SCAF11: variants seen among roughly 807,000 people sequenced by gnomAD.
The protein encoded by SCAF11 is protein SCAF11.
In SCAF11, 47 loss-of-function variants were observed where a neutral mutation model predicts 140.5. That is an observed-to-expected ratio of 0.33 (90% CI 0.26 to 0.43). SCAF11 has a LOEUF of 0.43. Among genes scored for constraint, SCAF11 ranks in the 20% least tolerant of loss-of-function variants. The pLI is 1.00. For missense variants in SCAF11, 1,645 were observed against 1,705.1 expected (o/e 0.96, Z 0.62); for synonymous variants, 557 against 579.4 (o/e 0.96, Z 0.55).
At chr12:45,933,461 A>C (rs1347182251) in intron 8 of SCAF11, among the ~76,000 whole-genome samples, 2 of 152,152 alleles carry the variant, frequency 1.3e-5, no homozygotes, top group African/African-American at 4.8e-5. Flanking sequence ...GTTAAAAATA[A>C]CCCTTGAATT....
chr12:45,955,561 A>G (rs1036051761), intron 3 of SCAF11: 6 of 152,852 alleles, frequency 3.9e-5, no homozygotes, highest in African/African-American at 1.4e-4. Flanking sequence ...AAAATTTACA[A>G]TTAAATTTCC....
Position 45,925,049 on chromosome 12 carries a change from G to A in SCAF11, c.3585C>T (p.Asn1195=). The A allele has an allele frequency of 6.2e-7, 1 of 1,612,892 alleles. No individual in the cohort carries two copies. The highest frequency in any genetic ancestry group is 8.5e-7 in the Non-Finnish European group (1 of 1,178,934). The change falls in exon 12 of 15, where the codon AAC becomes AAT. Residue 1195 remains asparagine (N), a synonymous_variant. Coordinates refer to ENST00000369367, the MANE Select transcript of SCAF11 (RefSeq NM_004719.3). The part of the protein sequence containing the change: ...GQDSSLKDQT[N]QQVDGSQLPI... ...GTAGCTGAGAACCATCAACTTGCTG[G>A]TTTGTTTGGTCTTTTAGGCTAGAAT...
chr12:45,985,667 T>C (rs1946445263), intron 1 of SCAF11, among the ~76,000 whole-genome samples: 1 of 152,236 alleles, frequency 6.6e-6, no homozygotes, highest in Non-Finnish European at 1.5e-5. Flanking sequence ...GTATGTAAAA[T>C]GTCTACAACA....
chr12:45,928,037 G>A lies in SCAF11; in HGVS notation c.1664C>T (p.Thr555Ile). The A allele has an allele frequency of 1.2e-6, 2 of 1,613,484 alleles. No individual in the cohort carries two copies. The highest frequency in any genetic ancestry group is 1.7e-6 in the Non-Finnish European group (2 of 1,179,996). ...AGGTTGGTACACTTTGCTTTCAGAT[G>A]TTAAACATGTAGGAAAATCATTTGG... ...HLPNDFPTCL[T>I]SESKVYQPVS... The change falls in exon 11 of 15, where the codon ACA becomes ATA. Residue 555 changes from threonine (T) to isoleucine (I), a missense_variant. Physicochemically the swap from Thr to Ile is moderately conservative, Grantham distance 89. This residue lies in a region of SCAF11 where 1,582 missense variants were observed against 1,609.2 expected (regional missense o/e 0.98). Coordinates refer to ENST00000369367, the MANE Select transcript of SCAF11 (RefSeq NM_004719.3).
Position 45,926,330 on chromosome 12 carries a change from T to C in SCAF11, c.3371A>G (p.Lys1124Arg). Residue 1124 changes from lysine to arginine, a missense_variant, in exon 11 of 15, where the codon AAG becomes AGG. Lys to Arg is a conservative substitution (Grantham distance 26). This residue lies in a region of SCAF11 where 1,582 missense variants were observed against 1,609.2 expected (regional missense o/e 0.98). Transcript: ENST00000369367. ...TGAGAACTCCTGTTCACTTTTTCGC[T>C]TATAGGATTGCTGTTCCACAAACTT... Reference protein sequence around the residue: ...SFKFVEQQSYKRKSEQEFSFD... With the variant: ...SFKFVEQQSYRRKSEQEFSFD... The C allele has an allele frequency of 6.2e-7, 1 of 1,614,188 alleles. No homozygotes were observed. The highest frequency in any genetic ancestry group is 8.5e-7 in the Non-Finnish European group (1 of 1,180,016).
At position 45,926,247 on chromosome 12, in the gene SCAF11, T is replaced by G. The variant is rs1476945083; in HGVS notation, c.3454A>C (p.Lys1152Gln). The change falls in exon 11 of 15, where the codon AAG (lysine) becomes CAG (glutamine). Residue 1152 changes from lysine (K) to glutamine (Q), a missense_variant. Around this residue, in one of 2 missense-constraint regions of SCAF11, gnomAD observed 1,582 missense variants for 1,609.2 expected, o/e 0.98. Transcript: ENST00000369367. ...TTTTGTACATCTGCTGGCAAAGTCTTTCTCACGGCCCAGCTGGATGCAGAT... is the reference window on the plus strand; with the variant it reads ...TTTTGTACATCTGCTGGCAAAGTCTGTCTCACGGCCCAGCTGGATGCAGAT... Reference protein sequence around the residue: ...WTSASSWAVRKTLPADVQNYY... With the variant: ...WTSASSWAVRQTLPADVQNYY... 6.2e-7 allele frequency: 1 copy of G among 1,614,188 alleles called. No individual in the cohort carries two copies.
At position 45,927,498 on chromosome 12, in the gene SCAF11, G is replaced by C. The variant is rs1310633671; in HGVS notation, c.2203C>G (p.Pro735Ala). The change falls in exon 11 of 15, where the codon CCA (proline) becomes GCA (alanine). Residue 735 changes from proline (P) to alanine (A), a missense_variant. By Grantham distance (27) the Pro-to-Ala change is conservative. This residue lies in a region of SCAF11 where 1,582 missense variants were observed against 1,609.2 expected (regional missense o/e 0.98). Transcript: ENST00000369367. ...CSDQNESEVE[P>A]SVNADLKQMN... is the part of the protein sequence containing the mutation. ...TGTTTAAGATCAGCATTTACAGATG[G>C]TTCAACTTCAGATTCATTTTGGTCA... The C allele has an allele frequency of 6.2e-7, 1 of 1,613,524 alleles. No homozygotes were observed. The highest frequency in any genetic ancestry group is 1.3e-5 in the African/African-American group (1 of 74,840).
At chr12:45,924,689 A>G (rs1454097951) in intron 12 of SCAF11, 39 bp downstream of exon 12, 1 of 1,468,392 alleles carries the variant, frequency 6.8e-7, no homozygotes, top group Non-Finnish European at 9.3e-7. Flanking sequence ...AATGTTTACA[A>G]TGGCTATATT....
chr12:45,984,281 T>C (rs1293461181), intron 1 of SCAF11, among the ~76,000 whole-genome samples: 1 of 152,224 alleles, frequency 6.6e-6, no homozygotes, highest in East Asian at 1.9e-4. Flanking sequence ...TGTCTTCCAA[T>C]TTGGGTTTGC....
intron 3 of SCAF11, among the ~76,000 whole-genome samples, chr12:45,957,410 GTATT>G (rs1221736412): frequency 6.6e-6 from 1 of 152,022 alleles, no homozygotes; most frequent in Admixed American, 6.5e-5. Flanking sequence ...TGATTTTTTG[GTATT>G]TATTATTAAT....
intron 10 of SCAF11, chr12:45,930,040 A>G (rs1445097703): frequency 6.6e-6 from 1 of 152,252 alleles, no homozygotes; most frequent in Non-Finnish European, 1.5e-5. Flanking sequence ...TCTTACAATA[A>G]AAGAAGCTAA....
rs544823253 is a variant in SCAF11, at chr12:45,932,118, C to G, written c.735-506G>C. 3.9e-5 allele frequency among the ~76,000 whole-genome samples: 6 copies of G among 152,062 alleles called. No homozygotes were observed. The East Asian group carries it at 9.7e-4, about 24-fold the overall frequency. ...CATTTCTGCCCCCCTAGAAAGTGTC[C>G]TCACACTCCTTTGTATCCTTCTCCC... On this transcript the variant is annotated intron_variant, in intron 9 of 14. Coordinates refer to ENST00000369367, the MANE Select transcript of SCAF11 (RefSeq NM_004719.3).
intron 3 of SCAF11, among the ~76,000 whole-genome samples, chr12:45,953,275 C>T (rs941194915): frequency 3.9e-5 from 6 of 152,126 alleles, no homozygotes; most frequent in South Asian, 2.1e-4. Context: ...TTGTCTAGTT[C>T]GAAGAACTTA....
intron 4 of SCAF11, among the ~76,000 whole-genome samples, chr12:45,949,032 T>G (rs1332122232): frequency 6.6e-6 from 1 of 152,184 alleles, no homozygotes; most frequent in Non-Finnish European, 1.5e-5. Flanking sequence ...GGTTCTTGAA[T>G]AAGAAAATCT....
At chr12:45,934,406 G>T (rs1945123849) in intron 7 of SCAF11, 41 bp downstream of exon 7, 5 of 1,495,516 alleles carry the variant, frequency 3.3e-6, no homozygotes, top group African/African-American at 1.4e-5. Flanking sequence ...ACCCTAAAGT[G>T]TTATCATCTA....
intron 1 of SCAF11, chr12:45,974,786 CCTT>C (rs1433690873): frequency 6.4e-6 from 1 of 155,322 alleles, no homozygotes; most frequent in Admixed American, 6.3e-5. Flanking sequence ...ATTTTAACCT[CCTT>C]CTATGAATTA....
At chr12:45,929,158 T>A (rs1044519134) in intron 10 of SCAF11, 2 of 172,440 alleles carry the variant, frequency 1.2e-5, no homozygotes, top group Non-Finnish European at 2.4e-5. Context: ...ATTTTTTTTT[T>A]TTTTGGAGAC....
chr12:45,946,106 C>A (rs147906788), intron 5 of SCAF11, among the ~76,000 whole-genome samples: 123 of 152,260 alleles, frequency 8.1e-4, no homozygotes, highest in African/African-American at 2.9e-3. Context: ...TTAGGAAATT[C>A]TAGCAAAGAA....
At chr12:45,973,119 A>G in intron 1 of SCAF11, among the ~76,000 whole-genome samples, 1 of 150,220 alleles carries the variant, frequency 6.7e-6, no homozygotes, top group East Asian at 1.9e-4. Context: ...CAAACAGAAG[A>G]CATAAAGAAC....
Sources: gnomAD v4.1 joint callset for allele counts (sites outside exome capture counted in the v4.1 genomes callset) on GRCh38, gnomAD v4.1.1 for gene constraint, gnomAD v4.1.1 regional missense constraint, MANE v1.5 for transcripts, NCBI Gene and HGNC (gene_info 2026-07-23, HGNC 2026-07-21) for gene names.